KIF20A: variants seen among roughly 807,000 people sequenced by gnomAD.
The protein encoded by KIF20A is kinesin-like protein KIF20A.
A neutral mutation model predicts 113.0 loss-of-function variants in KIF20A; 66 were observed. The observed-to-expected ratio is 0.58, with a 90% CI of 0.48 to 0.72. The LOEUF (loss-of-function observed/expected upper bound fraction) is 0.72, where lower values mean the gene tolerates loss of function less well. KIF20A is among the 30% of genes least tolerant of loss of function. The probability of loss-of-function intolerance (pLI) is 0.00; values close to 1 mark genes in which losing one functional copy is unlikely to be tolerated. For synonymous variants in KIF20A, 376 were observed against 402.3 expected (o/e 0.93, Z 0.78); for missense variants, 927 against 1,077.6 (o/e 0.86, Z 1.96).
At chr5:138,186,808 AAACTC>A (rs1282022097) in intron 18 of KIF20A, among the ~76,000 whole-genome samples, 3 of 152,234 alleles carry the variant, frequency 2.0e-5, no homozygotes, top group South Asian at 4.1e-4. Flanking sequence ...ATCTTAAACT[AAACTC>A]AACATTTAAT....
Position 138,183,400 on chromosome 5 carries a change from A to T in KIF20A, c.1027+37A>T. On this transcript the variant is annotated intron_variant, in intron 8 of 18. Transcript: ENST00000394894. The surrounding 1 kb of genome is among the most constrained non-coding windows in gnomAD (Gnocchi z 5.2). ...TGGGGAAAGCTGGCATGAACCCTGG[A>T]GGGCAACTGGGGAGAGACTGGCAAA... The T allele has an allele frequency of 6.2e-7, 1 of 1,613,222 alleles. No individual in the cohort carries two copies. The highest frequency in any genetic ancestry group is 2.2e-5 in the East Asian group (1 of 44,870).
intron 15 of KIF20A, 129 bp downstream of exon 15, chr5:138,185,326 T>C (rs1015071433): frequency 4.8e-6 from 4 of 831,092 alleles, no homozygotes; most frequent in African/African-American, 3.4e-5. Context: ...CTATTCCCCA[T>C]AGTGCTTTGG....
Position 138,187,537 on chromosome 5 carries a change from A to G in KIF20A, c.*124A>G. ...TATATCCAGGATGCAATACTCAGAC[A>G]CTAGCTTTTTTCTCACTTTTGTATT... On this transcript the variant is annotated 3_prime_UTR_variant, in exon 19 of 19. Coordinates refer to ENST00000394894, the MANE Select transcript of KIF20A (RefSeq NM_005733.3). The G allele has an allele frequency of 2.7e-6, 2 of 753,602 alleles. No homozygotes were observed. Among genetic ancestry groups the G allele is most frequent in the South Asian group, 4.2e-5 (2 of 47,574 alleles). The allele number at this position is 753,602 out of a possible 1,614,324, so 46.7% of individuals were successfully genotyped here. A position where few individuals can be genotyped will look rare whatever the true frequency, so the allele number is the denominator to read the frequency against.
chr5:138,183,123 G>A lies in KIF20A; in HGVS notation c.833-46G>A. The A allele has an allele frequency of 1.9e-6, 3 of 1,606,024 alleles. No individual in the cohort carries two copies. The highest frequency in any genetic ancestry group is 2.6e-6 in the Non-Finnish European group (3 of 1,175,236). Reference sequence around the variant, plus strand: ...AAGGCCCCTGCAGGCCAAAAGAGAGGTGAACTGCTCTAGGTTGATGCCCTA... The same window carrying A: ...AAGGCCCCTGCAGGCCAAAAGAGAGATGAACTGCTCTAGGTTGATGCCCTA... On this transcript the variant is annotated intron_variant, in intron 7 of 18. Coordinates refer to ENST00000394894, the MANE Select transcript of KIF20A (RefSeq NM_005733.3). This position sits in a 1 kb window ranked among gnomAD's most constrained non-coding sequence, Gnocchi z 5.2.
chr5:138,186,082 C>T (rs1418952578), intron 17 of KIF20A, 30 bp downstream of exon 17: 1 of 1,596,978 alleles, frequency 6.3e-7, no homozygotes, highest in Non-Finnish European at 8.6e-7. Flanking sequence ...GTTTACCAAA[C>T]TCTTACCTAA....
At position 138,185,101 on chromosome 5, in the gene KIF20A, T is replaced by A; in HGVS notation, c.1830T>A (p.His610Gln). Residue 610 changes from histidine to glutamine, a missense_variant, in exon 15 of 19, where the codon CAT becomes CAA. His to Gln is a conservative substitution (Grantham distance 24). Coordinates refer to ENST00000394894, the MANE Select transcript of KIF20A (RefSeq NM_005733.3). ...MQQREQWCSE[H>Q]LDTQKELLEE... ...TCTCCTCTGTTTCTGACAGTGAACATTTGGACACCCAAAAGGAACTATTGG... is the reference window on the plus strand; with the variant it reads ...TCTCCTCTGTTTCTGACAGTGAACAATTGGACACCCAAAAGGAACTATTGG... The A allele has an allele frequency of 2.5e-6, 4 of 1,612,996 alleles. No individual in the cohort carries two copies. The highest frequency in any genetic ancestry group is 3.4e-6 in the Non-Finnish European group (4 of 1,179,212).
chr5:138,181,362 A>C, intron 2 of KIF20A, 60 bp from the exon 3 acceptor site: 1 of 1,393,950 alleles, frequency 7.2e-7, no homozygotes, highest in Non-Finnish European at 1.0e-6. Context: ...CTGTTTGCCC[A>C]TTTGCTCAGA....
At chr5:138,184,199 T>C (rs377592231) in intron 11 of KIF20A, 40 bp from the exon 12 acceptor site, 4 of 1,611,366 alleles carry the variant, frequency 2.5e-6, no homozygotes, top group African/African-American at 2.7e-5. Context: ...AAAGGGCTGG[T>C]GTTCTGCTCA....
rs1754700483 is a variant in KIF20A at position 138,183,841 on chromosome 5, G to C, written c.1208+85G>C. On this transcript the variant is annotated intron_variant, in intron 10 of 18. Transcript: ENST00000394894. The surrounding 1 kb of genome is among the most constrained non-coding windows in gnomAD (Gnocchi z 5.2). ...TGGAGGAGGTCCTCAGGGGAACTATGTGTTCTCCTTCTTTGGGTACAGAGA... is the reference window on the plus strand; with the variant it reads ...TGGAGGAGGTCCTCAGGGGAACTATCTGTTCTCCTTCTTTGGGTACAGAGA... The C allele has an allele frequency of 1.3e-6, 2 of 1,557,180 alleles. No homozygotes were observed. Among genetic ancestry groups the C allele is most frequent in the Non-Finnish European group, 1.8e-6 (2 of 1,131,656 alleles).
chr5:138,186,999 G>A (rs1346324301), intron 18 of KIF20A, 97 bp from the exon 19 acceptor site: 3 of 873,300 alleles, frequency 3.4e-6, no homozygotes, highest in African/African-American at 3.4e-5. Flanking sequence ...ACAGTTGTTA[G>A]TAACTAGTAA....
At chr5:138,187,038 T>G in intron 18 of KIF20A, 58 bp from the exon 19 acceptor site, 1 of 1,334,936 alleles carries the variant, frequency 7.5e-7, no homozygotes, top group Non-Finnish European at 1.0e-6. Flanking sequence ...CTTAGCCCTC[T>G]CGTTTCTCTA....
In KIF20A at chr5:138,184,599, G is replaced by C; in HGVS notation, c.1606G>C (p.Glu536Gln). 1.2e-6 allele frequency: 2 copies of C among 1,614,214 alleles called. No individual in the cohort carries two copies. The highest frequency in any genetic ancestry group is 1.7e-6 in the Non-Finnish European group (2 of 1,180,018). Residue 536 changes from glutamate to glutamine, a missense_variant, in exon 13 of 19, where the codon GAG (glutamate) becomes CAG (glutamine). Coordinates refer to ENST00000394894, the MANE Select transcript of KIF20A (RefSeq NM_005733.3). ...EHSLQVSPSL[E>Q]KGAKADTGLD... is the part of the protein sequence containing the mutation. Reference sequence around the variant, plus strand: ...TAGTCTTCAGGTATCCCCCAGCTTAGAGAAAGGGGCTAAGGCAGACACAGG... The same window carrying C: ...TAGTCTTCAGGTATCCCCCAGCTTACAGAAAGGGGCTAAGGCAGACACAGG...
At chr5:138,185,226 G>A in intron 15 of KIF20A, 29 bp downstream of exon 15, 1 of 1,436,656 alleles carries the variant, frequency 7.0e-7, no homozygotes, top group South Asian at 1.2e-5. Context: ...GCTCCAATTA[G>A]CTGCTCAGAT....
In KIF20A at chr5:138,185,944, C is replaced by G. The variant is rs771866613; in HGVS notation, c.2126-17C>G. The G allele has an allele frequency of 4.3e-6, 7 of 1,610,752 alleles. No homozygotes were observed. The highest frequency in any genetic ancestry group is 5.9e-6 in the Non-Finnish European group (7 of 1,177,180). ...AAAAACCCCACATATTTTAAGTTTC[C>G]TGTTTCCTTCCCTCAGAGTTGCATA... On this transcript the variant is annotated splice_polypyrimidine_tract_variant and intron_variant, in intron 16 of 18. Transcript: ENST00000394894.
Position 138,187,126 on chromosome 5 carries a change from A to G in KIF20A, c.2386A>G (p.Met796Val). ...GACTCTGGCTGAACTGCAGAACAACATGGTGCTAGTGAAACTGGACCTTCG... is the reference window on the plus strand; with the variant it reads ...GACTCTGGCTGAACTGCAGAACAACGTGGTGCTAGTGAAACTGGACCTTCG... ...DQTLAELQNNMVLVKLDLRKK... is the reference protein window; with the variant it reads ...DQTLAELQNNVVLVKLDLRKK... The change falls in exon 19 of 19, where the codon ATG (methionine) becomes GTG (valine). Residue 796 changes from methionine to valine, a missense_variant. Coordinates refer to ENST00000394894, the MANE Select transcript of KIF20A (RefSeq NM_005733.3). The G allele has an allele frequency of 1.9e-6, 3 of 1,612,112 alleles. No homozygotes were observed. The highest frequency in any genetic ancestry group is 2.5e-6 in the Non-Finnish European group (3 of 1,178,288).
At chr5:138,179,584 AC>A (rs1754601591) in intron 1 of KIF20A, 75 bp from the exon 2 acceptor site, 1 of 1,175,838 alleles carries the variant, frequency 8.5e-7, no homozygotes, top group Admixed American at 1.8e-5. Flanking sequence ...GGGGCAAGGG[AC>A]TTATTACCTA....
rs1754744612 is a variant in KIF20A, at chr5:138,186,299, A to G, written c.2223A>G (p.Ile741Met). The G allele has an allele frequency of 1.3e-6, 2 of 1,592,660 alleles. No homozygotes were observed. The highest frequency in any genetic ancestry group is 1.7e-6 in the Non-Finnish European group (2 of 1,174,964). ...DKKLEEGQKN[I>M]RLLRTELQKL... is the part of the protein sequence containing the mutation. ...TCCTACTTCCCCTTTTTCAGAATAT[A>G]AGGCTGTTGCGGACAGAGCTTCAGA... Residue 741 changes from isoleucine (I) to methionine (M), a missense_variant, in exon 18 of 19, where the codon ATA (isoleucine) becomes ATG (methionine). Ile to Met is a conservative substitution (Grantham distance 10). Coordinates refer to ENST00000394894, the MANE Select transcript of KIF20A (RefSeq NM_005733.3).
At chr5:138,181,540 G>C in intron 3 of KIF20A, 29 bp downstream of exon 3, 1 of 1,614,016 alleles carries the variant, frequency 6.2e-7, no homozygotes, top group Non-Finnish European at 8.5e-7. Context: ...AGGATTCAAG[G>C]TGAAATGATG....
Position 138,184,582 on chromosome 5 carries a change from A to G in KIF20A, c.1589A>G (p.Gln530Arg), listed in dbSNP as rs765625021. Residue 530 changes from glutamine to arginine, a missense_variant, in exon 13 of 19, where the codon CAG becomes CGG. Physicochemically the swap from Gln to Arg is conservative, Grantham distance 43. Transcript: ENST00000394894. ...LHSFIKEHSL[Q>R]VSPSLEKGAK... ...TCGTTCATCAAGGAACATAGTCTTC[A>G]GGTATCCCCCAGCTTAGAGAAAGGG... The G allele has an allele frequency of 1.2e-5, 20 of 1,614,212 alleles. No individual in the cohort carries two copies. The highest frequency in any genetic ancestry group is 6.7e-5 in the Admixed American group (4 of 60,020).
Sources: gnomAD v4.1 joint callset for allele counts (sites outside exome capture counted in the v4.1 genomes callset) on GRCh38, gnomAD v4.1.1 for gene constraint, Gnocchi (gnomAD v3.1) non-coding constraint, MANE v1.5 for transcripts, NCBI Gene and HGNC (gene_info 2026-07-23, HGNC 2026-07-21) for gene names.